The following HS6ST3 variants were observed in gnomAD, a reference collection of about 807,000 sequenced individuals.
The protein encoded by HS6ST3 is heparan-sulfate 6-O-sulfotransferase 3.
A neutral mutation model predicts 36.7 loss-of-function variants in HS6ST3; 12 were observed. The ratio of observed to expected loss-of-function variants is 0.33; its 90% CI spans 0.21 to 0.53. HS6ST3 has a LOEUF of 0.53. HS6ST3 is among the 20% of genes least tolerant of loss of function. The pLI is 0.95. For missense variants in HS6ST3, 584 were observed against 640.9 expected (o/e 0.91, Z 0.96); for synonymous variants, 240 against 257.5 (o/e 0.93, Z 0.65).
chr13:96,437,332 AC>A (rs1195792323), intron 1 of HS6ST3, among the ~76,000 whole-genome samples: 11 of 152,230 alleles, frequency 7.2e-5, no homozygotes, highest in Non-Finnish European at 1.5e-4. Flanking sequence ...TGCTCATGAT[AC>A]TAATTGCTGA....
At chr13:96,172,625 G>C (rs2054193746) in intron 1 of HS6ST3, among the ~76,000 whole-genome samples, 1 of 152,050 alleles carries the variant, frequency 6.6e-6, no homozygotes, top group Non-Finnish European at 1.5e-5. Context: ...GCTATTATAA[G>C]TATTTTCCAA....
rs747439262 is a variant in HS6ST3 at position 96,459,100 on chromosome 13, T to TAAAAAAAAAAAAAAAAAAAAAAAAAAA, written c.707+367556_707+367557insAAAAAAAAAAAAAAAAAAAAAAAAAAA. On this transcript the variant is annotated intron_variant, in intron 1 of 1. Coordinates refer to ENST00000376705, the MANE Select transcript of HS6ST3 (RefSeq NM_153456.4). The stretch of plus-strand genomic sequence containing the variant: ...GCCTGGGCGACAGAGCAAGACTGTC[T>TAAAAAAAAAAAAAAAAAAAAAAAAAAA]AAAAAAAAAAAAAAAAAAAAAAAAA... 1.1e-4 allele frequency among the ~76,000 whole-genome samples: 7 copies of TAAAAAAAAAAAAAAAAAAAAAAAAAAA among 63,886 alleles called. 1 individual carries two copies. Among genetic ancestry groups the TAAAAAAAAAAAAAAAAAAAAAAAAAAA allele is most frequent in the South Asian group, 5.8e-4 (1 of 1,736 alleles). The allele number at this position is 63,886 out of a possible 152,430, so 41.9% of individuals were successfully genotyped here. A position where few individuals can be genotyped will look rare whatever the true frequency, so the allele number is the denominator to read the frequency against.
intron 1 of HS6ST3, among the ~76,000 whole-genome samples, chr13:96,195,018 G>T (rs993224215): frequency 6.6e-6 from 1 of 152,092 alleles, no homozygotes; most frequent in African/African-American, 2.4e-5. Flanking sequence ...ATTTTTAATG[G>T]TTATTTTAAA....
Position 96,166,021 on chromosome 13 carries a change from GTTATTTATTTATTTATTTAT to G in HS6ST3, c.707+74479_707+74498del, listed in dbSNP as rs143510611. On this transcript the variant is annotated intron_variant, in intron 1 of 1. Transcript: ENST00000376705. ...AACAAAGGATGGAAGGGTGGAAGGGGTTATTTATTTATTTATTTATTTATTTATTTATTTATTTATTTATT... is the reference window on the plus strand; with the variant it reads ...AACAAAGGATGGAAGGGTGGAAGGGGTTATTTATTTATTTATTTATTTATT... Among the ~76,000 whole-genome samples the G allele has an allele frequency of 1.9e-4, 27 of 144,776 alleles. No homozygotes were observed. In the East Asian group the frequency reaches 3.5e-3, roughly 19 times the overall value. 95.0% of individuals were successfully genotyped at this position (144,776 alleles called of 152,430 possible). A position where few individuals can be genotyped will look rare whatever the true frequency, so the allele number is the denominator to read the frequency against.
intron 1 of HS6ST3, among the ~76,000 whole-genome samples, chr13:96,602,091 G>T (rs1433508168): frequency 6.6e-6 from 1 of 152,168 alleles, no homozygotes; most frequent in African/African-American, 2.4e-5. Flanking sequence ...CCAGTAGGAG[G>T]TGCCCACAGG....
chr13:96,515,858 A>G (rs1462272207), intron 1 of HS6ST3, among the ~76,000 whole-genome samples: 1 of 152,168 alleles, frequency 6.6e-6, no homozygotes, highest in African/African-American at 2.4e-5. Flanking sequence ...ATAGTGGTAT[A>G]TAGTCTAAGA....
intron 1 of HS6ST3, among the ~76,000 whole-genome samples, chr13:96,532,721 G>T (rs1357441067): frequency 1.3e-5 from 2 of 151,946 alleles, no homozygotes; most frequent in Non-Finnish European, 2.9e-5. Flanking sequence ...AACAAAAGAA[G>T]GTGGTTGACC....
At chr13:96,392,983 G>A (rs752989619) in intron 1 of HS6ST3, among the ~76,000 whole-genome samples, 1 of 152,124 alleles carries the variant, frequency 6.6e-6, no homozygotes, top group East Asian at 1.9e-4. Flanking sequence ...CTATGGGAGG[G>A]ACCTGGTGGG....
At chr13:96,308,237 A>G (rs1435846757) in intron 1 of HS6ST3, among the ~76,000 whole-genome samples, 1 of 152,132 alleles carries the variant, frequency 6.6e-6, no homozygotes, top group African/African-American at 2.4e-5. Flanking sequence ...TCAATTCCTT[A>G]TATACTGCTT....
chr13:96,722,988 C>CGTGT (rs34651683), intron 1 of HS6ST3, among the ~76,000 whole-genome samples: 5,288 of 143,618 alleles, frequency 0.037, 155 homozygotes, highest in African/African-American at 0.088. Context: ...AAAAAATATA[C>CGTGT]GTGTGTGTGT....
rs1033540051 is a variant in HS6ST3 at position 96,441,436 on chromosome 13, T to C, written c.707+349867T>C. ...CTCACTGGCTCACCCTAAAGTCGAA[T>C]TGGCCTTTTGACAAGCCTCACCCAT... On this transcript the variant is annotated intron_variant, in intron 1 of 1. Transcript: ENST00000376705. Among the ~76,000 whole-genome samples, 5 of 152,224 alleles carry C rather than the reference T, an allele frequency of 3.3e-5. No individual in the cohort carries two copies. In the East Asian group the frequency reaches 7.7e-4, roughly 24 times the overall value.
intron 1 of HS6ST3, among the ~76,000 whole-genome samples, chr13:96,194,802 G>T (rs2054304539): frequency 6.7e-6 from 1 of 149,082 alleles, no homozygotes; most frequent in South Asian, 2.1e-4. Flanking sequence ...GGCAACCACT[G>T]TTCTACTCTG....
At chr13:96,503,754 A>G (rs1474771510) in intron 1 of HS6ST3, among the ~76,000 whole-genome samples, 1 of 152,228 alleles carries the variant, frequency 6.6e-6, no homozygotes, top group East Asian at 1.9e-4. Context: ...GTCTATGAAC[A>G]CACTGAATTC....
At chr13:96,105,026 C>A in intron 1 of HS6ST3, among the ~76,000 whole-genome samples, 1 of 125,096 alleles carries the variant, frequency 8.0e-6, no homozygotes, top group African/African-American at 2.9e-5. Flanking sequence ...TAATTATTTG[C>A]ACAGGACAAA....
intron 1 of HS6ST3, among the ~76,000 whole-genome samples, chr13:96,260,219 TTTA>T (rs1296323246): frequency 6.6e-5 from 10 of 151,322 alleles, no homozygotes; most frequent in African/African-American, 2.2e-4. Flanking sequence ...GCTGGGTGCA[TTTA>T]TTTTTTCCCT....
At chr13:96,285,788 C>G (rs1272027833) in intron 1 of HS6ST3, among the ~76,000 whole-genome samples, 1 of 152,126 alleles carries the variant, frequency 6.6e-6, no homozygotes, top group African/African-American at 2.4e-5. Context: ...TTATGGTTCT[C>G]TAGCTTCAAG....
chr13:96,331,221 G>C (rs1398539280), intron 1 of HS6ST3, among the ~76,000 whole-genome samples: 2 of 152,204 alleles, frequency 1.3e-5, no homozygotes, highest in Non-Finnish European at 2.9e-5. Context: ...CGTTGCTGGT[G>C]AGGAACTGCG....
intron 1 of HS6ST3, among the ~76,000 whole-genome samples, chr13:96,330,459 T>G (rs1375361451): frequency 6.7e-6 from 1 of 148,444 alleles, no homozygotes; most frequent in Non-Finnish European, 1.5e-5. Flanking sequence ...TTTGGCTGGA[T>G]ATGAAATTCT....
At chr13:96,816,223 G>T (rs989237690) in intron 1 of HS6ST3, among the ~76,000 whole-genome samples, 4 of 152,246 alleles carry the variant, frequency 2.6e-5, no homozygotes, top group Middle Eastern at 3.4e-3. Flanking sequence ...CAACAAAACA[G>T]GGCTGTTACT....
Sources: allele counts gnomAD v4.1 joint callset (sites outside exome capture counted in the v4.1 genomes callset), GRCh38; gene constraint gnomAD v4.1.1; transcripts MANE v1.5; gene names NCBI Gene and HGNC (gene_info 2026-07-23, HGNC 2026-07-21).